BMPER: variants seen among roughly 807,000 people sequenced by gnomAD.
The protein encoded by BMPER is BMP binding endothelial regulator.
A neutral mutation model predicts 87.3 loss-of-function variants in BMPER; 45 were observed. That is an observed-to-expected ratio of 0.52 (90% confidence interval 0.41 to 0.66). The LOEUF (loss-of-function observed/expected upper bound fraction) is 0.66. Among genes scored for constraint, BMPER ranks in the 30% least tolerant of loss-of-function variants. BMPER has a pLI of 0.00. For synonymous variants in BMPER, 326 were observed against 316.2 expected, an observed-to-expected ratio of 1.03 and a Z score of -0.33; for missense variants, 784 against 867.5, an observed-to-expected ratio of 0.90 and a Z score of 1.21.
At chr7:34,065,197 ACACTCACTCTCT>A (rs1328236342) in intron 11 of BMPER, among the ~76,000 whole-genome samples, 17 of 129,244 alleles carry the variant, frequency 1.3e-4, no homozygotes, top group African/African-American at 5.2e-4. Flanking sequence ...ACACACATAC[ACACTCACTCTCT>A]CTCTCTCTCT....
At chr7:33,948,014 T>C (rs1425209360) in intron 3 of BMPER, among the ~76,000 whole-genome samples, 1 of 152,234 alleles carries the variant, frequency 6.6e-6, no homozygotes, top group Non-Finnish European at 1.5e-5. Context: ...GATGGAAAGA[T>C]TGAGTTAGCC....
At chr7:34,065,845 A>G (rs1478789652) in intron 11 of BMPER, among the ~76,000 whole-genome samples, 3 of 152,176 alleles carry the variant, frequency 2.0e-5, no homozygotes, top group Non-Finnish European at 4.4e-5. Context: ...TCAGCTATTT[A>G]CTTTTTATGT....
chr7:33,991,531 C>G (rs1466943642), intron 6 of BMPER, among the ~76,000 whole-genome samples: 1 of 152,082 alleles, frequency 6.6e-6, no homozygotes, highest in Non-Finnish European at 1.5e-5. Flanking sequence ...ATCTTGCTAG[C>G]AGTCTATCAA....
rs117976674 is a variant in BMPER at position 34,094,680 on chromosome 7, C to T, written c.1745+8588C>T. Among the ~76,000 whole-genome samples, 141 of 152,314 alleles carry T rather than the reference C, an allele frequency of 9.3e-4. 1 individual carries two copies. The East Asian group carries it at 0.026, about 28-fold the overall frequency. On this transcript the variant is annotated intron_variant, in intron 13 of 14. Coordinates refer to ENST00000649409, the MANE Select transcript of BMPER (RefSeq NM_001365308.1). ...CCTTGCTGTTAGGCAGGCGAGCTCACCCACTGAAGCCCCTGATTATTCCCC... is the reference window on the plus strand; with the variant it reads ...CCTTGCTGTTAGGCAGGCGAGCTCATCCACTGAAGCCCCTGATTATTCCCC...
chr7:34,055,411 A>G (rs1788257035), intron 9 of BMPER, 108 bp downstream of exon 9: 2 of 1,340,352 alleles, frequency 1.5e-6, no homozygotes, highest in African/African-American at 1.4e-5. Flanking sequence ...ATATACATAT[A>G]CAAATGTATA....
intron 2 of BMPER, among the ~76,000 whole-genome samples, chr7:33,910,250 T>C (rs756310915): frequency 6.6e-6 from 1 of 152,150 alleles, no homozygotes; most frequent in Non-Finnish European, 1.5e-5. Flanking sequence ...AAGCCAACAG[T>C]TATTACTGTT....
intron 13 of BMPER, among the ~76,000 whole-genome samples, chr7:34,102,252 A>T (rs1219930117): frequency 6.6e-6 from 1 of 152,074 alleles, no homozygotes; most frequent in Non-Finnish European, 1.5e-5. Context: ...TAGACAACAG[A>T]GCAAGTCTTT....
At chr7:34,022,805 C>G (rs550502158) in intron 6 of BMPER, among the ~76,000 whole-genome samples, 4 of 151,790 alleles carry the variant, frequency 2.6e-5, no homozygotes, top group African/African-American at 9.7e-5. Flanking sequence ...TGCAGTGACC[C>G]GGAGTTTGTC....
intron 6 of BMPER, among the ~76,000 whole-genome samples, chr7:34,045,948 G>C (rs1257253226): frequency 6.6e-6 from 1 of 152,196 alleles, no homozygotes; most frequent in East Asian, 1.9e-4. Flanking sequence ...TGGTTTGCAT[G>C]AAACTTTCCT....
chr7:34,130,210 C>G (rs1583466628), intron 13 of BMPER, among the ~76,000 whole-genome samples: 1 of 144,070 alleles, frequency 6.9e-6, no homozygotes, highest in African/African-American at 2.6e-5. Context: ...CTCTCTCTCT[C>G]TGTCTTCTGG....
At chr7:33,956,479 G>C (rs1317403366) in intron 3 of BMPER, among the ~76,000 whole-genome samples, 2 of 151,978 alleles carry the variant, frequency 1.3e-5, no homozygotes, top group Admixed American at 6.6e-5. Flanking sequence ...GGACAACATG[G>C]GTTTGAACTC....
intron 14 of BMPER, among the ~76,000 whole-genome samples, chr7:34,144,509 G>T (rs765488140): frequency 6.6e-6 from 1 of 151,522 alleles, no homozygotes; most frequent in Non-Finnish European, 1.5e-5. Context: ...GGAAGCTATT[G>T]TGATAGTCCT....
intron 6 of BMPER, among the ~76,000 whole-genome samples, chr7:33,994,515 C>G (rs1216779755): frequency 2.0e-5 from 3 of 152,214 alleles, no homozygotes; most frequent in African/African-American, 7.2e-5. Flanking sequence ...CCTGTGCCCA[C>G]TGTCTGGCGC....
chr7:34,090,889 G>T (rs1214112015), intron 13 of BMPER, among the ~76,000 whole-genome samples: 1 of 152,180 alleles, frequency 6.6e-6, no homozygotes, highest in Non-Finnish European at 1.5e-5. Flanking sequence ...CGAAAACCCT[G>T]TTCACTTGTT....
At chr7:33,944,236 G>A (rs1305638031) in intron 3 of BMPER, among the ~76,000 whole-genome samples, 3 of 151,922 alleles carry the variant, frequency 2.0e-5, no homozygotes, top group Non-Finnish European at 4.4e-5. Context: ...TGTGATCTCG[G>A]CTCACTGCAA....
intron 13 of BMPER, among the ~76,000 whole-genome samples, chr7:34,087,968 C>T (rs1226202739): frequency 3.9e-5 from 6 of 152,204 alleles, no homozygotes; most frequent in Non-Finnish European, 5.9e-5. Context: ...ACAGAAGTTA[C>T]GAATGATGAC....
intron 6 of BMPER, among the ~76,000 whole-genome samples, chr7:34,030,699 A>G (rs1000738304): frequency 1.3e-5 from 2 of 151,512 alleles, no homozygotes; most frequent in African/African-American, 2.4e-5. Flanking sequence ...ATAGCTCACT[A>G]TATAACCTGG....
chr7:34,131,254 C>T (rs1790580791), intron 13 of BMPER, among the ~76,000 whole-genome samples: 1 of 152,018 alleles, frequency 6.6e-6, no homozygotes, highest in Admixed American at 6.5e-5. Context: ...ACGGGTAGCA[C>T]CCTGTTTAGG....
chr7:33,930,497 TG>T (rs1784456948), intron 2 of BMPER, among the ~76,000 whole-genome samples: 1 of 152,220 alleles, frequency 6.6e-6, no homozygotes, highest in Non-Finnish European at 1.5e-5. Flanking sequence ...GAACAGACTT[TG>T]TCCAAAGGAG....
Sources: allele counts gnomAD v4.1 joint callset (sites outside exome capture counted in the v4.1 genomes callset), GRCh38; gene constraint gnomAD v4.1.1; transcripts MANE v1.5; gene names NCBI Gene and HGNC (gene_info 2026-07-23, HGNC 2026-07-21).